The following YIF1A variants were observed in gnomAD, a reference collection of about 807,000 sequenced individuals.
YIF1A encodes the protein Yip1 interacting factor homolog A, membrane trafficking protein, also known as protein YIF1A.
YIF1A carries 28 observed loss-of-function variants against 32.6 expected under a neutral mutation model. The ratio of observed to expected loss-of-function variants is 0.86; its 90% CI spans 0.64 to 1.18. YIF1A has a LOEUF of 1.18. Among genes scored for constraint, YIF1A ranks in the 50% most tolerant of loss-of-function variants. The pLI is 0.00. For synonymous variants in YIF1A, 175 were observed against 162.2 expected (o/e 1.08, Z -0.60); for missense variants, 373 against 390.8 (o/e 0.95, Z 0.38).
rs142312375 is a variant in YIF1A at position 66,287,856 on chromosome 11, C to T, written c.304G>A (p.Val102Met). The T allele has an allele frequency of 5.0e-6, 8 of 1,613,846 alleles. No individual in the cohort carries two copies. In the African/African-American group the frequency reaches 8.0e-5, roughly 16 times the overall value. ...KYFFAVDTAY[V>M]AKKLGLLVFP... ...ACCAGCAGCCCTAGCTTCTTGGCCA[C>T]GTAGGCTGTGTCCACAGCAAAAAAA... The change falls in exon 3 of 8, where the codon GTG becomes ATG. Residue 102 changes from valine to methionine, a missense_variant. Val to Met is a conservative substitution (Grantham distance 21, BLOSUM62 1). Transcript: ENST00000376901.
At position 66,284,853 on chromosome 11, in the gene YIF1A, G is replaced by C. The variant is rs761623270; in HGVS notation, c.735+20C>G. 1.6e-5 allele frequency: 25 copies of C among 1,612,836 alleles called. No homozygotes were observed. Among genetic ancestry groups the C allele is most frequent in the East Asian group, 6.7e-5 (3 of 44,894 alleles). ...GCCCTCAAGTGAAGGCAGGGGAATG[G>C]GGGGGTGCACCAGACTCACAATGAA... On this transcript the variant is annotated intron_variant, in intron 7 of 7. Transcript: ENST00000376901.
Position 66,284,836 on chromosome 11 carries a change from G to C in YIF1A, c.735+37C>G, listed in dbSNP as rs1372683779. The C allele has an allele frequency of 5.0e-6, 8 of 1,612,544 alleles. No individual in the cohort carries two copies. The Admixed American group carries it at 5.0e-5, about 10-fold the overall frequency. On this transcript the variant is annotated intron_variant, in intron 7 of 7. Transcript: ENST00000376901. ...CCAGGAGGGGGAGGTTTGCCCTCAAGTGAAGGCAGGGGAATGGGGGGGTGC... is the reference window on the plus strand; with the variant it reads ...CCAGGAGGGGGAGGTTTGCCCTCAACTGAAGGCAGGGGAATGGGGGGGTGC...
intron 4 of YIF1A, 60 bp from the exon 5 acceptor site, chr11:66,285,818 G>A (rs1424422954): frequency 6.3e-7 from 1 of 1,586,922 alleles, no homozygotes; most frequent in Non-Finnish European, 8.6e-7. Context: ...TGCCTTACTA[G>A]GCATTCGGGT....
rs369211299 is a variant in YIF1A, at chr11:66,285,527, C to G, written c.495G>C (p.Pro165=). 2 of 1,612,998 alleles carry G rather than the reference C, an allele frequency of 1.2e-6. No homozygotes were observed. Among genetic ancestry groups the G allele is most frequent in the South Asian group, 2.2e-5 (2 of 91,082 alleles). The change falls in exon 6 of 8, where the codon CCG becomes CCC. Residue 165 remains proline, a synonymous_variant. Coordinates refer to ENST00000376901, the MANE Select transcript of YIF1A (RefSeq NM_020470.3). ...TGCTTGCACACAGGCCCAGCACCTC[C>G]GGGGAGAACCTGCGCCAAAGCAGGG... is the stretch of plus-strand genomic sequence containing the variant. The part of the protein sequence containing the change: ...MALGIQKRFS[P]EVLGLCASTA...
rs755130559 is a variant in YIF1A at position 66,288,152 on chromosome 11, G to A, written c.172C>T (p.Pro58Ser). The change falls in exon 2 of 8, where the codon CCA (proline) becomes TCA (serine). Residue 58 changes from proline (P) to serine (S), a missense_variant. Transcript: ENST00000376901. Reference protein sequence around the residue: ...AFSVNHLLGDPMANVAMAYGS... With the variant: ...AFSVNHLLGDSMANVAMAYGS... ...TAGGCCATAGCCACATTGGCCATTG[G>A]GTCCCCAAGCAAGTGGTTGACACTG... 2 of 1,614,178 alleles carry A rather than the reference G, an allele frequency of 1.2e-6. No individual in the cohort carries two copies. Among genetic ancestry groups the A allele is most frequent in the Non-Finnish European group, 1.7e-6 (2 of 1,180,032 alleles).
intron 1 of YIF1A, 147 bp from the exon 2 acceptor site, chr11:66,288,439 T>C (rs773263472): frequency 1.1e-6 from 1 of 879,816 alleles, no homozygotes; most frequent in South Asian, 1.6e-5. Flanking sequence ...GGGAGCTAAC[T>C]GAGAAAAAAC....
chr11:66,288,503 A>T (rs990667036), intron 1 of YIF1A, among the ~76,000 whole-genome samples: 2 of 152,230 alleles, frequency 1.3e-5, no homozygotes, highest in African/African-American at 4.8e-5. Context: ...GCAAAGAAAG[A>T]GCTGAGGCAG....
Position 66,287,568 on chromosome 11 carries a change from C to T in YIF1A, c.427+30G>A. ...CAAGTCCCCCCCGACCCCACCCCACCACGTTCCCCAGCCCAGGTTGGAGAC... is the reference window on the plus strand; with the variant it reads ...CAAGTCCCCCCCGACCCCACCCCACTACGTTCCCCAGCCCAGGTTGGAGAC... On this transcript the variant is annotated intron_variant, in intron 4 of 7. Coordinates refer to ENST00000376901, the MANE Select transcript of YIF1A (RefSeq NM_020470.3). The T allele has an allele frequency of 2.5e-6, 4 of 1,598,514 alleles. No individual in the cohort carries two copies. The African/African-American group carries it at 4.0e-5, about 16-fold the overall frequency.
intron 4 of YIF1A, chr11:66,287,185 T>C (rs1857369467): frequency 5.2e-6 from 1 of 190,510 alleles, no homozygotes; most frequent in East Asian, 1.2e-4. Flanking sequence ...GTGTGCCAGG[T>C]GAGGTGCTGA....
intron 4 of YIF1A, 168 bp downstream of exon 4, chr11:66,287,430 G>T: frequency 1.3e-6 from 1 of 753,742 alleles, no homozygotes; most frequent in Non-Finnish European, 2.2e-6. Flanking sequence ...GCTCCTTACT[G>T]GTCACCCTGC....
At position 66,288,114 on chromosome 11, in the gene YIF1A, G is replaced by T. The variant is rs770771496; in HGVS notation, c.210C>A (p.Ile70=). 6.2e-7 allele frequency: 1 copy of T among 1,613,956 alleles called. No homozygotes were observed. Among genetic ancestry groups the T allele is most frequent in the South Asian group, 1.1e-5 (1 of 91,080 alleles). ...GCACCATGTCCTTCCCATGGGATGC[G>T]ATGGAGCTGCCATAGGCCATAGCCA... ...ANVAMAYGSS[I]ASHGKDMVHK... is the part of the protein sequence containing the mutation. Residue 70 remains isoleucine (I), a synonymous_variant, in exon 2 of 8, where the codon ATC becomes ATA. Coordinates refer to ENST00000376901, the MANE Select transcript of YIF1A (RefSeq NM_020470.3).
chr11:66,285,707 T>G lies in YIF1A; in HGVS notation c.479A>C (p.Gln160Pro), dbSNP rs753676072. Residue 160 changes from glutamine (Q) to proline (P), a missense_variant, in exon 5 of 8, where the codon CAG (glutamine) becomes CCG (proline). Transcript: ENST00000376901. ...VLLAGMALGIQKRFSPEVLGL... is the reference protein window; with the variant it reads ...VLLAGMALGIPKRFSPEVLGL... Reference sequence around the variant, plus strand: ...GGAGGGGCTTGGCACTGACCTTTTCTGAATGCCCAGTGCCATCCCAGCCAG... The same window carrying G: ...GGAGGGGCTTGGCACTGACCTTTTCGGAATGCCCAGTGCCATCCCAGCCAG... 1 of 1,613,354 alleles carries G rather than the reference T, an allele frequency of 6.2e-7. No individual in the cohort carries two copies. Among genetic ancestry groups the G allele is most frequent in the East Asian group, 2.2e-5 (1 of 44,886 alleles).
chr11:66,288,273 C>A lies in YIF1A; in HGVS notation c.51G>T (p.Arg17=). 6.2e-7 allele frequency: 1 copy of A among 1,614,092 alleles called. No individual in the cohort carries two copies. ...YGAHGSKHRA[R]AAPDPPPLFD... ...AGAGGGGAGGGGGATCCGGGGCTGC[C>A]CGGGCCCTGTGCTTGGAGCCTGTGG... The change falls in exon 2 of 8, where the codon CGG becomes CGT. Residue 17 remains arginine, a synonymous_variant. Coordinates refer to ENST00000376901, the MANE Select transcript of YIF1A (RefSeq NM_020470.3).
At chr11:66,285,285 C>T (rs1471097049) in intron 6 of YIF1A, 96 bp downstream of exon 6, 3 of 1,526,738 alleles carry the variant, frequency 2.0e-6, no homozygotes, top group Non-Finnish European at 2.7e-6. Context: ...TGCTAGAGGT[C>T]ACTAGGGGCC....
chr11:66,288,427 G>C (rs967021892), intron 1 of YIF1A, 135 bp from the exon 2 acceptor site: 6 of 981,212 alleles, frequency 6.1e-6, no homozygotes, highest in African/African-American at 3.2e-5. Flanking sequence ...AGCTGGGTGA[G>C]GGGGAGCTAA....
intron 2 of YIF1A, 48 bp downstream of exon 2, chr11:66,288,033 A>G: frequency 6.2e-7 from 1 of 1,609,916 alleles, no homozygotes; most frequent in South Asian, 1.1e-5. Flanking sequence ...ATGATGCCCC[A>G]GCCCTAGCCA....
chr11:66,288,116 T>C lies in YIF1A; in HGVS notation c.208A>G (p.Ile70Val). 2.5e-6 allele frequency: 4 copies of C among 1,613,964 alleles called. No individual in the cohort carries two copies. Among genetic ancestry groups the C allele is most frequent in the Non-Finnish European group, 3.4e-6 (4 of 1,180,000 alleles). The change falls in exon 2 of 8, where the codon ATC becomes GTC. Residue 70 changes from isoleucine (I) to valine (V), a missense_variant. Ile to Val is a conservative substitution (Grantham distance 29, BLOSUM62 3). Transcript: ENST00000376901. The stretch of plus-strand genomic sequence containing the variant: ...ACCATGTCCTTCCCATGGGATGCGA[T>C]GGAGCTGCCATAGGCCATAGCCACA... ...ANVAMAYGSS[I>V]ASHGKDMVHK...
Position 66,288,204 on chromosome 11 carries a change from G to A in YIF1A, c.120C>T (p.Tyr40=). The A allele has an allele frequency of 6.2e-7, 1 of 1,614,126 alleles. No homozygotes were observed. Among genetic ancestry groups the A allele is most frequent in the Admixed American group, 1.7e-5 (1 of 60,038 alleles). ...SGGYSSQPGG[Y]PATGADVAFS... ...AGGCCACGTCTGCTCCTGTGGCTGGGTATCCCCCGGGCTGGCTGGAATAAC... is the reference window on the plus strand; with the variant it reads ...AGGCCACGTCTGCTCCTGTGGCTGGATATCCCCCGGGCTGGCTGGAATAAC... The change falls in exon 2 of 8, where the codon TAC becomes TAT. Residue 40 remains tyrosine, a synonymous_variant. Transcript: ENST00000376901.
rs1449294314 is a variant in YIF1A, at chr11:66,287,672, C to A, written c.353G>T (p.Trp118Leu). 6.2e-7 allele frequency: 1 copy of A among 1,612,892 alleles called. No homozygotes were observed. The highest frequency in any genetic ancestry group is 1.1e-5 in the South Asian group (1 of 91,072). The change falls in exon 4 of 8, where the codon TGG (tryptophan) becomes TTG (leucine). Residue 118 changes from tryptophan (W) to leucine (L), a missense_variant. Physicochemically the swap from Trp to Leu is moderately conservative, Grantham distance 61 (BLOSUM62 -2). Transcript: ENST00000376901. Reference protein sequence around the residue: ...LLVFPYTHQNWEVQYSRDAPL... With the variant: ...LLVFPYTHQNLEVQYSRDAPL... ...AGCATCACGACTGTACTGCACTTCCCAGTTCTGGCAGTGGCAGTGGCAGCA... is the reference window on the plus strand; with the variant it reads ...AGCATCACGACTGTACTGCACTTCCAAGTTCTGGCAGTGGCAGTGGCAGCA...
Sources: allele counts gnomAD v4.1 joint callset (sites outside exome capture counted in the v4.1 genomes callset), GRCh38; gene constraint gnomAD v4.1.1; transcripts MANE v1.5; gene names NCBI Gene and HGNC (gene_info 2026-07-23, HGNC 2026-07-21).